SUSD1: variants seen among roughly 807,000 people sequenced by gnomAD.
The protein encoded by SUSD1 is sushi domain-containing protein 1.
Under a neutral mutation model 86.9 loss-of-function variants are expected in SUSD1, and 65 were observed. That is an observed-to-expected ratio of 0.75 (90% confidence interval 0.61 to 0.92). The LOEUF (loss-of-function observed/expected upper bound fraction) is 0.92, where lower values mean the gene tolerates loss of function less well. Ranked by LOEUF, SUSD1 falls within the 40% of genes least tolerant of loss-of-function variation. The pLI is 0.00. For missense variants in SUSD1, 850 were observed against 929.7 expected, an observed-to-expected ratio of 0.91 and a Z score of 1.11; for synonymous variants, 346 against 350.0, an observed-to-expected ratio of 0.99 and a Z score of 0.13.
At chr9:112,174,309 C>A (rs1166894509) in intron 1 of SUSD1, among the ~76,000 whole-genome samples, 2 of 152,160 alleles carry the variant, frequency 1.3e-5, no homozygotes, top group Non-Finnish European at 2.9e-5. Context: ...CCACCGATTC[C>A]CCTTTCCCTG....
rs899576050 is a variant in SUSD1 at position 112,175,266 on chromosome 9, GC to G, written c.-32del. 5.4e-4 allele frequency: 615 copies of G among 1,135,766 alleles called. 6 individuals are homozygous for G. In the African/African-American group the frequency reaches 9.4e-3, roughly 17 times the overall value. 70.4% of individuals were successfully genotyped at this position (1,135,766 alleles called of 1,614,324 possible). A position where few individuals can be genotyped will look rare whatever the true frequency, so the allele number is the denominator to read the frequency against. On this transcript the variant is annotated 5_prime_UTR_variant, in exon 1 of 17. Coordinates refer to ENST00000374270, the MANE Select transcript of SUSD1 (RefSeq NM_022486.5). This position sits in a 1 kb window ranked among gnomAD's most constrained non-coding sequence, Gnocchi z 4.7. ...CGCCGGTCCCTCCCGGCGCGCCCGCGCCTCCTCCCGGGGCCCTCAGGGTGCA... is the reference window on the plus strand; with the variant it reads ...CGCCGGTCCCTCCCGGCGCGCCCGCGCTCCTCCCGGGGCCCTCAGGGTGCA...
chr9:112,133,413 C>A (rs1384447024), intron 5 of SUSD1, among the ~76,000 whole-genome samples: 1 of 152,190 alleles, frequency 6.6e-6, no homozygotes. Flanking sequence ...AAGCCACACA[C>A]CTGATCAGTC....
chr9:112,113,639 A>G lies in SUSD1; in HGVS notation c.887-771T>C, dbSNP rs1831192470. ...GGATCTAGCTTTTTATTTCTTTGAA[A>G]TCAAATTCCCAGCCGAGTGCAGTGG... On this transcript the variant is annotated intron_variant, in intron 6 of 16. Transcript: ENST00000374270. This position sits in a 1 kb window ranked among gnomAD's most constrained non-coding sequence, Gnocchi z 4.1. Among the ~76,000 whole-genome samples, 1 of 152,162 alleles carries G rather than the reference A, an allele frequency of 6.6e-6. No homozygotes were observed. Among genetic ancestry groups the G allele is most frequent in the Non-Finnish European group, 1.5e-5 (1 of 68,044 alleles).
At chr9:112,063,593 T>A (rs1284759682) in intron 12 of SUSD1, among the ~76,000 whole-genome samples, 1 of 152,170 alleles carries the variant, frequency 6.6e-6, no homozygotes, top group Non-Finnish European at 1.5e-5. Context: ...TCCTTTATAA[T>A]CACAGAGCTC....
intron 1 of SUSD1, among the ~76,000 whole-genome samples, chr9:112,171,792 C>T (rs576811415): frequency 2.6e-5 from 4 of 152,246 alleles, no homozygotes; most frequent in Admixed American, 2.0e-4. Flanking sequence ...AATAATACCC[C>T]TCAGTCTAAA....
At chr9:112,045,344 A>G (rs890482643) in intron 15 of SUSD1, among the ~76,000 whole-genome samples, 1 of 152,180 alleles carries the variant, frequency 6.6e-6, no homozygotes, top group Non-Finnish European at 1.5e-5. Flanking sequence ...GTTGAACTGA[A>G]GATGACTGTG....
At chr9:112,141,309 T>A (rs117891314) in intron 5 of SUSD1, among the ~76,000 whole-genome samples, 67 of 152,364 alleles carry the variant, frequency 4.4e-4, no homozygotes, top group South Asian at 1.0e-3. Flanking sequence ...CACTACAATG[T>A]GGTCCATCAT....
At chr9:112,119,131 C>T (rs904360946) in intron 6 of SUSD1, among the ~76,000 whole-genome samples, 3 of 152,128 alleles carry the variant, frequency 2.0e-5, no homozygotes, top group African/African-American at 7.2e-5. Flanking sequence ...TCTCAGATTA[C>T]TTATCTATGA....
At chr9:112,114,416 G>A (rs1831226742) in intron 6 of SUSD1, among the ~76,000 whole-genome samples, 1 of 152,224 alleles carries the variant, frequency 6.6e-6, no homozygotes, top group African/African-American at 2.4e-5. Flanking sequence ...CTGGGAGGCA[G>A]AGGTGGCAGT....
intron 10 of SUSD1, among the ~76,000 whole-genome samples, chr9:112,097,544 C>A (rs1443917667): frequency 1.3e-5 from 2 of 151,578 alleles, no homozygotes; most frequent in Non-Finnish European, 2.9e-5. Flanking sequence ...ATTACAGGCA[C>A]ACACCACCAT....
rs148207935 is a variant in SUSD1 at position 112,091,302 on chromosome 9, T to C, written c.1474+7168A>G. 6.5e-3 allele frequency among the ~76,000 whole-genome samples: 984 copies of C among 152,340 alleles called. 6 individuals are homozygous for C. Among genetic ancestry groups the C allele is most frequent in the African/African-American group, 0.022 (927 of 41,572 alleles). ...ATTAAATGATTTATGGTCTTAATTATCTTTTGTTTGGACTTTAATTCTGTG... is the reference window on the plus strand; with the variant it reads ...ATTAAATGATTTATGGTCTTAATTACCTTTTGTTTGGACTTTAATTCTGTG... On this transcript the variant is annotated intron_variant, in intron 10 of 16. Coordinates refer to ENST00000374270, the MANE Select transcript of SUSD1 (RefSeq NM_022486.5).
At chr9:112,163,197 C>G (rs542677883) in intron 1 of SUSD1, among the ~76,000 whole-genome samples, 2 of 152,070 alleles carry the variant, frequency 1.3e-5, no homozygotes, top group African/African-American at 2.4e-5. Context: ...CCTCTGTCAC[C>G]CAGGCTGGAG....
rs1169999180 is a variant in SUSD1 at position 112,113,053 on chromosome 9, T to A, written c.887-185A>T. On this transcript the variant is annotated intron_variant, in intron 6 of 16. Coordinates refer to ENST00000374270, the MANE Select transcript of SUSD1 (RefSeq NM_022486.5). The surrounding 1 kb of genome is among the most constrained non-coding windows in gnomAD (Gnocchi z 4.1). Reference sequence around the variant, plus strand: ...TCACCCAACTTCTCTTCATCATGAATGAGCGTGGCCCATTACCTGACTTAG... The same window carrying A: ...TCACCCAACTTCTCTTCATCATGAAAGAGCGTGGCCCATTACCTGACTTAG... 2.0e-5 allele frequency among the ~76,000 whole-genome samples: 3 copies of A among 152,192 alleles called. No homozygotes were observed. Among genetic ancestry groups the A allele is most frequent in the Non-Finnish European group, 4.4e-5 (3 of 68,032 alleles).
At chr9:112,092,584 C>A (rs1830246470) in intron 10 of SUSD1, among the ~76,000 whole-genome samples, 1 of 152,138 alleles carries the variant, frequency 6.6e-6, no homozygotes, top group South Asian at 2.1e-4. Flanking sequence ...AACCTTATTC[C>A]TATATTTTTT....
At chr9:112,160,149 A>G (rs1170484662) in intron 1 of SUSD1, among the ~76,000 whole-genome samples, 1 of 152,212 alleles carries the variant, frequency 6.6e-6, no homozygotes, top group Non-Finnish European at 1.5e-5. Context: ...ATTAGAAAAT[A>G]TTATCAAATG....
chr9:112,085,473 T>A (rs370083590), intron 10 of SUSD1, among the ~76,000 whole-genome samples: 1 of 152,222 alleles, frequency 6.6e-6, no homozygotes, highest in African/African-American at 2.4e-5. Flanking sequence ...CTGGGACACA[T>A]AGAGGTGAAA....
chr9:112,042,492 T>C (rs1827785902), intron 15 of SUSD1, among the ~76,000 whole-genome samples: 1 of 152,162 alleles, frequency 6.6e-6, no homozygotes, highest in African/African-American at 2.4e-5. Context: ...ACTGAGAGGA[T>C]AAAAGTACTT....
rs747581644 is a variant in SUSD1, at chr9:112,078,609, T to C, written c.1682A>G (p.Asn561Ser). ...EVCLDLRPGT[N>S]YNVSLRALSS... ...CAGAGCCCGGAGACTGACATTGTAG[T>C]TGGTACCCGGACGTAGGTCCAAGCA... Residue 561 changes from asparagine to serine, a missense_variant, in exon 12 of 17, where the codon AAC becomes AGC. Asn to Ser is a conservative substitution (Grantham distance 46, BLOSUM62 1). Coordinates refer to ENST00000374270, the MANE Select transcript of SUSD1 (RefSeq NM_022486.5). 4.3e-6 allele frequency: 7 copies of C among 1,613,916 alleles called. No homozygotes were observed. The Admixed American group carries it at 1.0e-4, about 23-fold the overall frequency.
At position 112,041,913 on chromosome 9, in the gene SUSD1, G is replaced by A; in HGVS notation, c.2197C>T (p.Leu733=). 6.2e-7 allele frequency: 1 copy of A among 1,614,036 alleles called. No individual in the cohort carries two copies. Among genetic ancestry groups the A allele is most frequent in the Non-Finnish European group, 8.5e-7 (1 of 1,179,956 alleles). Residue 733 remains leucine (L), a synonymous_variant, in exon 16 of 17, where the codon CTG becomes TTG. Transcript: ENST00000374270. ...LQMAGVGLGS[L]AVVIILTFLS... ...AATGTGAGAATGATCACAACAGCCAGGGAACCCAGTCCAACACCCGCCATC... is the reference window on the plus strand; with the variant it reads ...AATGTGAGAATGATCACAACAGCCAAGGAACCCAGTCCAACACCCGCCATC...
Sources: allele counts gnomAD v4.1 joint callset (sites outside exome capture counted in the v4.1 genomes callset), GRCh38; gene constraint gnomAD v4.1.1; non-coding constraint Gnocchi (gnomAD v3.1); transcripts MANE v1.5; gene names NCBI Gene and HGNC (gene_info 2026-07-23, HGNC 2026-07-21).